Variants in SH3GLB1 observed in about 807,000 individuals in gnomAD.
SH3GLB1 encodes endophilin-B1.
In SH3GLB1, 17 loss-of-function variants were observed where a neutral mutation model predicts 42.0. The observed-to-expected ratio is 0.40, with a 90% CI of 0.28 to 0.61. The LOEUF is 0.61. Ranked by LOEUF, SH3GLB1 falls within the 20% of genes least tolerant of loss-of-function variation. SH3GLB1 has a pLI of 0.36. For missense variants in SH3GLB1, 355 were observed against 426.3 expected (o/e 0.83, Z 1.47); for synonymous variants, 132 against 146.6 (o/e 0.90, Z 0.72).
chr1:86,732,554 A>G (rs539232660), intron 5 of SH3GLB1, among the ~76,000 whole-genome samples: 7 of 152,270 alleles, frequency 4.6e-5, no homozygotes, highest in Middle Eastern at 3.4e-3. Flanking sequence ...AAGCCACCCA[A>G]TATGCACTAA....
chr1:86,711,148 T>C (rs1480062214), intron 1 of SH3GLB1, among the ~76,000 whole-genome samples: 1 of 152,232 alleles, frequency 6.6e-6, no homozygotes, highest in Non-Finnish European at 1.5e-5. Context: ...AAATTACTTT[T>C]AGAGTATTAC....
chr1:86,721,099 G>A (rs1052055430), intron 3 of SH3GLB1, among the ~76,000 whole-genome samples: 1 of 152,086 alleles, frequency 6.6e-6, no homozygotes, highest in African/African-American at 2.4e-5. Flanking sequence ...ATTAGTAAAG[G>A]CTTCTAGATT....
intron 7 of SH3GLB1, among the ~76,000 whole-genome samples, chr1:86,736,543 A>T (rs575141856): frequency 6.6e-6 from 1 of 152,326 alleles, no homozygotes; most frequent in African/African-American, 2.4e-5. Context: ...CATTATAACT[A>T]TTTTAAGCCC....
intron 7 of SH3GLB1, among the ~76,000 whole-genome samples, chr1:86,737,259 A>G (rs1386795881): frequency 6.6e-6 from 1 of 152,178 alleles, no homozygotes; most frequent in Non-Finnish European, 1.5e-5. Context: ...ATGATTTTTT[A>G]ACGTATCAAT....
Position 86,743,401 on chromosome 1 carries a change from AT to A in SH3GLB1, c.*168del. 2.5e-6 allele frequency: 1 copy of A among 404,964 alleles called. No individual in the cohort carries two copies. The highest frequency in any genetic ancestry group is 4.4e-6 in the Non-Finnish European group (1 of 227,758). 25.1% of individuals were successfully genotyped at this position (404,964 alleles called of 1,614,324 possible). A position where few individuals can be genotyped will look rare whatever the true frequency, so the allele number is the denominator to read the frequency against. ...AATAAAGTTGCATGGTAAATATTTC[AT>A]TACAGAATTTATGTTAGAGCTTTCA... On this transcript the variant is annotated 3_prime_UTR_variant, in exon 9 of 9. Transcript: ENST00000370558.
rs1656382517 is a variant in SH3GLB1, at chr1:86,747,989, T to C, written c.*4754T>C. 1 of 152,196 alleles carries C rather than the reference T, an allele frequency of 6.6e-6. No homozygotes were observed. The highest frequency in any genetic ancestry group is 2.4e-5 in the African/African-American group (1 of 41,454). 9.4% of individuals were successfully genotyped at this position (152,196 alleles called of 1,614,324 possible). ...ACTTTTCTGTGCATTTATAGATATT[T>C]TTAATGGGATCAAAGTGTACATACT... On this transcript the variant is annotated 3_prime_UTR_variant, in exon 9 of 9. Transcript: ENST00000370558.
intron 1 of SH3GLB1, among the ~76,000 whole-genome samples, chr1:86,715,304 A>T (rs1057485469): frequency 6.6e-6 from 1 of 152,228 alleles, no homozygotes; most frequent in Non-Finnish European, 1.5e-5. Flanking sequence ...AAGAAAAAAT[A>T]TTCAATACAT....
chr1:86,738,324 G>A (rs965773640), intron 7 of SH3GLB1, among the ~76,000 whole-genome samples: 2 of 152,036 alleles, frequency 1.3e-5, no homozygotes, highest in African/African-American at 2.4e-5. Context: ...GGAGTGCAGT[G>A]GCGCAATCTC....
intron 7 of SH3GLB1, among the ~76,000 whole-genome samples, chr1:86,740,701 G>C (rs1656019107): frequency 6.6e-6 from 1 of 152,138 alleles, no homozygotes; most frequent in Admixed American, 6.5e-5. Flanking sequence ...GGAATAGGTG[G>C]CTGAACTAGG....
chr1:86,712,892 T>G (rs1005223977), intron 1 of SH3GLB1, among the ~76,000 whole-genome samples: 1 of 152,140 alleles, frequency 6.6e-6, no homozygotes, highest in African/African-American at 2.4e-5. Flanking sequence ...TGTTATACTT[T>G]CATACTCTTT....
intron 7 of SH3GLB1, among the ~76,000 whole-genome samples, chr1:86,736,101 AGTAGTCCATTC>A (rs1312941994): frequency 6.6e-6 from 1 of 152,084 alleles, no homozygotes; most frequent in East Asian, 1.9e-4. Context: ...GGGAACTGAT[AGTAGTCCATTC>A]AGGCTGGAGC....
intron 5 of SH3GLB1, among the ~76,000 whole-genome samples, chr1:86,731,128 T>C (rs538278248): frequency 9.2e-5 from 14 of 152,328 alleles, no homozygotes; most frequent in African/African-American, 3.4e-4. Flanking sequence ...AGCAAGTAAT[T>C]AAACAAGAAT....
chr1:86,724,345 G>A lies in SH3GLB1; in HGVS notation c.510G>A (p.Leu170=). ...KERKLLQNKR[L]DLDAAKTRLK... The stretch of plus-strand genomic sequence containing the variant: ...GGAAACTATTGCAAAATAAGAGACT[G>A]GATTTGGATGCTGCAAAAACGAGAC... The change falls in exon 5 of 9, where the codon CTG becomes CTA. Residue 170 remains leucine (L), a synonymous_variant. Transcript: ENST00000370558. The A allele has an allele frequency of 1.0e-5, 16 of 1,601,700 alleles. No individual in the cohort carries two copies. The highest frequency in any genetic ancestry group is 1.4e-5 in the Non-Finnish European group (16 of 1,176,460).
chr1:86,729,566 A>G (rs1655395133), intron 5 of SH3GLB1, among the ~76,000 whole-genome samples: 1 of 152,162 alleles, frequency 6.6e-6, no homozygotes, highest in South Asian at 2.1e-4. Context: ...ACATAATTCT[A>G]AACAATTAAC....
intron 5 of SH3GLB1, 62 bp downstream of exon 5, chr1:86,724,467 T>C: frequency 7.6e-7 from 1 of 1,310,238 alleles, no homozygotes; most frequent in Non-Finnish European, 1.1e-6. Context: ...ATTTTGCTAA[T>C]AAACCATGAA....
intron 1 of SH3GLB1, among the ~76,000 whole-genome samples, chr1:86,709,835 C>G (rs1261964236): frequency 2.0e-5 from 3 of 152,168 alleles, no homozygotes; most frequent in Non-Finnish European, 4.4e-5. Flanking sequence ...TGGCCTTGAT[C>G]TCCCATTTAT....
At chr1:86,722,010 C>CTTT (rs377380040) in intron 3 of SH3GLB1, among the ~76,000 whole-genome samples, 15,062 of 111,424 alleles carry the variant, frequency 0.14, 1,934 homozygotes, top group African/African-American at 0.32. Context: ...AGGCAACCAT[C>CTTT]TTTTTTTTTT....
intron 1 of SH3GLB1, among the ~76,000 whole-genome samples, chr1:86,711,309 A>G (rs1471151639): frequency 6.6e-6 from 1 of 152,060 alleles, no homozygotes; most frequent in East Asian, 1.9e-4. Context: ...ATCCTGTAGT[A>G]AAAGAAGGAT....
chr1:86,735,120 G>T lies in SH3GLB1; in HGVS notation c.702G>T (p.Gln234His), dbSNP rs1251006835. Residue 234 changes from glutamine to histidine, a missense_variant, in exon 7 of 9, where the codon CAG (glutamine) becomes CAT (histidine). By Grantham distance (24) the Gln-to-His change is conservative. Coordinates refer to ENST00000370558, the MANE Select transcript of SH3GLB1 (RefSeq NM_016009.5). ...GTCTGAATGACTTTGTAGAAGCCCA[G>T]ATGACTTACTATGCACAGTGTTACC... ...LRCLNDFVEA[Q>H]MTYYAQCYQY... 6.2e-7 allele frequency: 1 copy of T among 1,613,040 alleles called. No individual in the cohort carries two copies. Among genetic ancestry groups the T allele is most frequent in the East Asian group, 2.2e-5 (1 of 44,824 alleles).
Sources: allele counts gnomAD v4.1 joint callset (sites outside exome capture counted in the v4.1 genomes callset), GRCh38; gene constraint gnomAD v4.1.1; transcripts MANE v1.5; gene names NCBI Gene and HGNC (gene_info 2026-07-23, HGNC 2026-07-21).